Variants in FGFR4 observed in about 807,000 individuals in gnomAD.
FGFR4 encodes fibroblast growth factor receptor 4, also known as hydroxyaryl-protein kinase.
Under a neutral mutation model 89.9 loss-of-function variants are expected in FGFR4, and 63 were observed. The ratio of observed to expected loss-of-function variants is 0.70; its 90% CI spans 0.57 to 0.86. FGFR4 has a LOEUF of 0.86. FGFR4 is among the 40% of genes least tolerant of loss of function. FGFR4 has a pLI of 0.00. For synonymous variants in FGFR4, 486 were observed against 479.4 expected, an observed-to-expected ratio of 1.01 and a Z score of -0.18; for missense variants, 928 against 1,106.7, an observed-to-expected ratio of 0.84 and a Z score of 2.29.
rs371454745 is a variant in FGFR4, at chr5:177,093,802, A to G, written c.1519+27A>G. On this transcript the variant is annotated intron_variant, in intron 11 of 17. Transcript: ENST00000292408. This position sits in a 1 kb window ranked among gnomAD's most constrained non-coding sequence, Gnocchi z 5.8. ...TGAGTGTGGCCCGGTGTGGTGGCTC[A>G]CACCTGTAACGCCAGCACTTTAGGA... 7.2e-5 allele frequency: 115 copies of G among 1,599,048 alleles called. No homozygotes were observed. In the Middle Eastern group the frequency reaches 1.7e-3, roughly 24 times the overall value.
intron 15 of FGFR4, 122 bp from the exon 16 acceptor site, chr5:177,096,482 C>A: frequency 6.5e-7 from 1 of 1,526,876 alleles, no homozygotes; most frequent in Non-Finnish European, 8.9e-7. Context: ...CCGAGTGGGC[C>A]CAGACTCCAG....
intron 16 of FGFR4, 91 bp downstream of exon 16, chr5:177,096,832 A>G: frequency 2.1e-6 from 3 of 1,416,094 alleles, no homozygotes; most frequent in East Asian, 2.4e-5. Flanking sequence ...GGCCAGAAGG[A>G]CAACACTAAC....
chr5:177,096,380 G>T, intron 15 of FGFR4, 23 bp downstream of exon 15: 1 of 1,613,184 alleles, frequency 6.2e-7, no homozygotes, highest in Non-Finnish European at 8.5e-7. Flanking sequence ...GGCGGTCACT[G>T]TCCTACCCCA....
chr5:177,091,871 G>T (rs1260488114), intron 6 of FGFR4, 63 bp downstream of exon 6: 1 of 1,599,792 alleles, frequency 6.3e-7, no homozygotes, highest in Non-Finnish European at 8.5e-7. Flanking sequence ...TGCCCTCTTG[G>T]TGGGGTCTAG....
rs1784547586 is a variant in FGFR4, at chr5:177,096,037, C to A, written c.1822-20C>A. The A allele has an allele frequency of 6.2e-7, 1 of 1,608,812 alleles. No homozygotes were observed. The highest frequency in any genetic ancestry group is 8.5e-7 in the Non-Finnish European group (1 of 1,177,566). The stretch of plus-strand genomic sequence containing the variant: ...TCCAGGCCAGGTGTCCTGAGGCACC[C>A]AAGCCCCCGCTCCCTGCAGTGTATC... On this transcript the variant is annotated intron_variant, in intron 13 of 17. Coordinates refer to ENST00000292408, the MANE Select transcript of FGFR4 (RefSeq NM_213647.3).
At chr5:177,091,845 AT>A in intron 6 of FGFR4, 37 bp downstream of exon 6, 1 of 1,610,902 alleles carries the variant, frequency 6.2e-7, no homozygotes, top group Admixed American at 1.7e-5. Context: ...GGCCTGACCC[AT>A]TTTGGGCTCA....
At chr5:177,096,212 G>A (rs200647844) in intron 14 of FGFR4, 33 bp downstream of exon 14, 60 of 1,613,378 alleles carry the variant, frequency 3.7e-5, no homozygotes, top group Middle Eastern at 3.3e-4. Flanking sequence ...GGATGGGGGT[G>A]GAGGGGCACT....
rs2149730950 is a variant in FGFR4, at chr5:177,090,544, G to C, written c.246G>C (p.Trp82Cys). Residue 82 changes from tryptophan (W) to cysteine (C), a missense_variant, in exon 3 of 18, where the codon TGG becomes TGC. This residue lies in a region of FGFR4 where 741 missense variants were observed against 836.9 expected (regional missense o/e 0.89). Coordinates refer to ENST00000292408, the MANE Select transcript of FGFR4 (RefSeq NM_213647.3). ...RLAPAGRVRG[W>C]RGRLEIASFL... ...CACCTGCTGGCCGTGTACGGGGCTGGAGGGGCCGCCTAGAGATTGCCAGCT... is the reference window on the plus strand; with the variant it reads ...CACCTGCTGGCCGTGTACGGGGCTGCAGGGGCCGCCTAGAGATTGCCAGCT... 1 of 1,536,432 alleles carries C rather than the reference G, an allele frequency of 6.5e-7. No homozygotes were observed. Among genetic ancestry groups the C allele is most frequent in the Non-Finnish European group, 8.7e-7 (1 of 1,143,416 alleles).
rs770565518 is a variant in FGFR4 at position 177,091,689 on chromosome 5, G to A, written c.608G>A (p.Arg203His). ...GENRIGGIRL[R>H]HQHWSLVMES... Reference sequence around the variant, plus strand: ...GGACACTCTCTCTGCCTGCAGCTGCGCCATCAGCACTGGAGTCTCGTGATG... The same window carrying A: ...GGACACTCTCTCTGCCTGCAGCTGCACCATCAGCACTGGAGTCTCGTGATG... Residue 203 changes from arginine (R) to histidine (H), a missense_variant, in exon 6 of 18, where the codon CGC becomes CAC. Arg to His is a conservative substitution (Grantham distance 29, BLOSUM62 0). Coordinates refer to ENST00000292408, the MANE Select transcript of FGFR4 (RefSeq NM_213647.3). The A allele has an allele frequency of 6.8e-6, 11 of 1,614,146 alleles. No individual in the cohort carries two copies. Among genetic ancestry groups the A allele is most frequent in the East Asian group, 4.5e-5 (2 of 44,882 alleles).
At chr5:177,089,109 A>T (rs1187958342) in intron 1 of FGFR4, among the ~76,000 whole-genome samples, 1 of 152,202 alleles carries the variant, frequency 6.6e-6, no homozygotes, top group South Asian at 2.1e-4. Flanking sequence ...AGGAGTGGGG[A>T]TCGGATCAGA....
intron 16 of FGFR4, among the ~76,000 whole-genome samples, 179 bp downstream of exon 16, chr5:177,096,920 C>CTCCTCCTCCTCT (rs1784599439): frequency 2.3e-4 from 9 of 39,932 alleles, no homozygotes; most frequent in Admixed American, 6.9e-4. Context: ...CCTCCTCTTC[C>CTCCTCCTCCTCT]TCCTCCTCCT....
Position 177,087,175 on chromosome 5 carries a change from C to T in FGFR4, c.-54+98C>T, listed in dbSNP as rs1784179983. 6.6e-6 allele frequency: 1 copy of T among 151,502 alleles called. No individual in the cohort carries two copies. Among genetic ancestry groups the T allele is most frequent in the South Asian group, 2.1e-4 (1 of 4,812 alleles). 9.4% of individuals were successfully genotyped at this position (151,502 alleles called of 1,614,324 possible). A position where few individuals can be genotyped will look rare whatever the true frequency, so the allele number is the denominator to read the frequency against. ...GACTGCCCCTCCCGGCGCAGGGGAC[C>T]TGGGCGTCCGCCGGGCGGCAGGGGG... On this transcript the variant is annotated intron_variant, in intron 1 of 17. Transcript: ENST00000292408. The surrounding 1 kb of genome is among the most constrained non-coding windows in gnomAD (Gnocchi z 6.1).
Position 177,090,851 on chromosome 5 carries a change from TC to T in FGFR4, c.436+30del, listed in dbSNP as rs752945069. The T allele has an allele frequency of 2.5e-6, 4 of 1,613,950 alleles. No individual in the cohort carries two copies. In the South Asian group the frequency reaches 4.4e-5, roughly 18 times the overall value. On this transcript the variant is annotated intron_variant, in intron 4 of 17. Coordinates refer to ENST00000292408, the MANE Select transcript of FGFR4 (RefSeq NM_213647.3). ...GTCAGTAGGTCTCCAAGGACTTGTG[TC>T]CCCGCTGCTGCTCATCTGATCACTG... is the stretch of plus-strand genomic sequence containing the variant.
In FGFR4 at chr5:177,098,012, T is replaced by A; in HGVS notation, c.*336T>A. 1 of 283,050 alleles carries A rather than the reference T, an allele frequency of 3.5e-6. No individual in the cohort carries two copies. The highest frequency in any genetic ancestry group is 6.6e-6 in the Non-Finnish European group (1 of 150,826). The allele number at this position is 283,050 out of a possible 1,614,324, so 17.5% of individuals were successfully genotyped here. A position where few individuals can be genotyped will look rare whatever the true frequency, so the allele number is the denominator to read the frequency against. ...AACCCCCTTTCCCCACACCTCCCCCTGCTGCTGCTGCCCCAGCGTCTTGAC... is the reference window on the plus strand; with the variant it reads ...AACCCCCTTTCCCCACACCTCCCCCAGCTGCTGCTGCCCCAGCGTCTTGAC... On this transcript the variant is annotated 3_prime_UTR_variant, in exon 18 of 18. Transcript: ENST00000292408. The surrounding 1 kb of genome is among the most constrained non-coding windows in gnomAD (Gnocchi z 4.5).
chr5:177,088,213 C>G (rs909764562), intron 1 of FGFR4: 1 of 160,760 alleles, frequency 6.2e-6, no homozygotes. Flanking sequence ...CCACCGCGCC[C>G]GGCTAATTTT....
intron 1 of FGFR4, among the ~76,000 whole-genome samples, chr5:177,088,873 A>G (rs1028221515): frequency 3.3e-5 from 5 of 152,156 alleles, no homozygotes; most frequent in Non-Finnish European, 7.3e-5. Context: ...ATAGTAAGCC[A>G]GAGAGAGACA....
At position 177,097,809 on chromosome 5, in the gene FGFR4, C is replaced by T. The variant is rs1385884839; in HGVS notation, c.*133C>T. 1.5e-5 allele frequency: 17 copies of T among 1,143,530 alleles called. No individual in the cohort carries two copies. Among genetic ancestry groups the T allele is most frequent in the East Asian group, 5.1e-5 (2 of 38,862 alleles). 70.8% of individuals were successfully genotyped at this position (1,143,530 alleles called of 1,614,324 possible). A position where few individuals can be genotyped will look rare whatever the true frequency, so the allele number is the denominator to read the frequency against. ...GAGTTGCTGTGCCGTGTCCAAGGGC[C>T]GTGCCCTTGCCCTTGGAGCTGCCGT... On this transcript the variant is annotated 3_prime_UTR_variant, in exon 18 of 18. Coordinates refer to ENST00000292408, the MANE Select transcript of FGFR4 (RefSeq NM_213647.3).
At chr5:177,096,910 C>G (rs1369572278) in intron 16 of FGFR4, among the ~76,000 whole-genome samples, 169 bp downstream of exon 16, 9 of 130,496 alleles carry the variant, frequency 6.9e-5, no homozygotes, top group East Asian at 5.2e-4. Context: ...TCCTCTTCCT[C>G]CTCCTCTTCC....
chr5:177,097,443 A>G (rs764073752), intron 17 of FGFR4, 46 bp downstream of exon 17: 7 of 1,582,958 alleles, frequency 4.4e-6, no homozygotes, highest in Non-Finnish European at 6.0e-6. Flanking sequence ...GCTCCCCTCC[A>G]GGCCTCATCT....
Sources: allele counts gnomAD v4.1 joint callset (sites outside exome capture counted in the v4.1 genomes callset), GRCh38; gene constraint gnomAD v4.1.1; regional missense constraint gnomAD v4.1.1; non-coding constraint Gnocchi (gnomAD v3.1); transcripts MANE v1.5; gene names NCBI Gene and HGNC (gene_info 2026-07-23, HGNC 2026-07-21).